GPC5: variants seen among roughly 807,000 people sequenced by gnomAD.
GPC5 encodes glypican-5.
In GPC5, 47 loss-of-function variants were observed where a neutral mutation model predicts 53.9. The observed-to-expected ratio is 0.87, with a 90% CI of 0.69 to 1.11. The LOEUF is 1.11. Among genes scored for constraint, GPC5 ranks in the 50% most tolerant of loss-of-function variants. GPC5 has a pLI of 0.00. For synonymous variants in GPC5, 286 were observed against 263.3 expected, an observed-to-expected ratio of 1.09 and a Z score of -0.84; for missense variants, 748 against 713.1, an observed-to-expected ratio of 1.05 and a Z score of -0.56.
At chr13:91,611,880 GGCC>G (rs2033561835) in intron 2 of GPC5, among the ~76,000 whole-genome samples, 1 of 152,040 alleles carries the variant, frequency 6.6e-6, no homozygotes, top group South Asian at 2.1e-4. Context: ...AACACTGCTG[GGCC>G]TCTGTGTTGT....
chr13:92,678,828 G>A (rs1338077892), intron 7 of GPC5, among the ~76,000 whole-genome samples: 2 of 152,112 alleles, frequency 1.3e-5, no homozygotes, highest in Non-Finnish European at 2.9e-5. Context: ...AATCACCTAG[G>A]AAAAAGATAG....
intron 7 of GPC5, among the ~76,000 whole-genome samples, chr13:92,324,656 T>C (rs1566539268): frequency 6.6e-6 from 1 of 151,284 alleles, no homozygotes; most frequent in Non-Finnish European, 1.5e-5. Context: ...TGGCATATCA[T>C]TGGTACAGCA....
chr13:91,636,786 C>T (rs1418180560), intron 2 of GPC5, among the ~76,000 whole-genome samples: 1 of 151,842 alleles, frequency 6.6e-6, no homozygotes, highest in African/African-American at 2.4e-5. Context: ...GAGACACTGT[C>T]CCTGCAAAAA....
At chr13:92,483,537 T>C (rs1879435290) in intron 7 of GPC5, among the ~76,000 whole-genome samples, 1 of 152,130 alleles carries the variant, frequency 6.6e-6, no homozygotes, top group Non-Finnish European at 1.5e-5. Flanking sequence ...GAGTGGTGAG[T>C]GAATGTGAAG....
intron 7 of GPC5, among the ~76,000 whole-genome samples, chr13:92,828,687 T>C (rs547970773): frequency 1.3e-5 from 2 of 152,192 alleles, no homozygotes; most frequent in South Asian, 4.1e-4. Flanking sequence ...TGAGCTCAAG[T>C]CCACTATGAG....
chr13:92,377,050 T>G (rs1426525745), intron 7 of GPC5, among the ~76,000 whole-genome samples: 2 of 151,982 alleles, frequency 1.3e-5, no homozygotes, highest in East Asian at 3.9e-4. Flanking sequence ...CTTCCCTGAC[T>G]GAAGTAAGAC....
chr13:92,598,034 G>C (rs1883933951), intron 7 of GPC5, among the ~76,000 whole-genome samples: 2 of 152,148 alleles, frequency 1.3e-5, no homozygotes, highest in South Asian at 2.1e-4. Flanking sequence ...ACTGAACCCT[G>C]AGTCAAGGTT....
At chr13:92,772,455 A>G (rs1310642188) in intron 7 of GPC5, among the ~76,000 whole-genome samples, 1 of 152,208 alleles carries the variant, frequency 6.6e-6, no homozygotes, top group Non-Finnish European at 1.5e-5. Flanking sequence ...GTACATGTAC[A>G]AAGCTCTTCT....
intron 7 of GPC5, among the ~76,000 whole-genome samples, chr13:92,809,491 A>G (rs931335947): frequency 9.2e-5 from 14 of 152,166 alleles, no homozygotes; most frequent in African/African-American, 3.4e-4. Context: ...GTCCAGGGTA[A>G]TAAGACTCAG....
chr13:91,419,442 T>G (rs1878454677), intron 1 of GPC5, among the ~76,000 whole-genome samples: 1 of 152,230 alleles, frequency 6.6e-6, no homozygotes, highest in Admixed American at 6.5e-5. Context: ...GCTGAAAATT[T>G]TGGCTCTGGG....
At chr13:92,252,176 G>A (rs1016014992) in intron 7 of GPC5, among the ~76,000 whole-genome samples, 14 of 152,162 alleles carry the variant, frequency 9.2e-5, no homozygotes, top group Admixed American at 5.9e-4. Flanking sequence ...TGACAGTATG[G>A]CATGTACTTT....
intron 2 of GPC5, among the ~76,000 whole-genome samples, chr13:91,634,600 G>A (rs1439301486): frequency 1.3e-5 from 2 of 151,956 alleles, no homozygotes; most frequent in Non-Finnish European, 2.9e-5. Flanking sequence ...ATGGTACCCT[G>A]TTTATACTTT....
At chr13:92,470,854 T>C (rs186537874) in intron 7 of GPC5, among the ~76,000 whole-genome samples, 72 of 152,258 alleles carry the variant, frequency 4.7e-4, no homozygotes, top group African/African-American at 1.6e-3. Flanking sequence ...CTAGATGTCA[T>C]TGGGTTGACA....
intron 7 of GPC5, among the ~76,000 whole-genome samples, chr13:92,629,361 A>G (rs1380939604): frequency 6.6e-6 from 1 of 152,158 alleles, no homozygotes; most frequent in Non-Finnish European, 1.5e-5. Context: ...CACATAGATG[A>G]AGGTATCAGG....
At chr13:92,021,245 T>C (rs2040755742) in intron 6 of GPC5, among the ~76,000 whole-genome samples, 1 of 152,112 alleles carries the variant, frequency 6.6e-6, no homozygotes, top group East Asian at 1.9e-4. Context: ...CATCAACAGA[T>C]GAACAGATAA....
chr13:92,169,285 T>A (rs575580614), intron 7 of GPC5, among the ~76,000 whole-genome samples: 1 of 152,224 alleles, frequency 6.6e-6, no homozygotes, highest in South Asian at 2.1e-4. Context: ...CCATGGCACA[T>A]GTTTACCTAT....
At chr13:92,426,231 G>T (rs1365542718) in intron 7 of GPC5, among the ~76,000 whole-genome samples, 2 of 151,996 alleles carry the variant, frequency 1.3e-5, no homozygotes, top group Admixed American at 1.3e-4. Flanking sequence ...TATGTGTATA[G>T]GTGGGACAGA....
At chr13:92,380,798 A>G (rs1303391730) in intron 7 of GPC5, among the ~76,000 whole-genome samples, 1 of 150,890 alleles carries the variant, frequency 6.6e-6, no homozygotes, top group Non-Finnish European at 1.5e-5. Context: ...TGAGAGATAT[A>G]CCTAATGCTA....
chr13:92,664,020 C>T (rs1453595892), intron 7 of GPC5, among the ~76,000 whole-genome samples: 2 of 150,446 alleles, frequency 1.3e-5, no homozygotes, highest in Admixed American at 6.7e-5. Flanking sequence ...TGCAGTGAGC[C>T]GAGATTGCGC....
Sources: gnomAD v4.1 joint callset for allele counts (sites outside exome capture counted in the v4.1 genomes callset) on GRCh38, gnomAD v4.1.1 for gene constraint, MANE v1.5 for transcripts, NCBI Gene and HGNC (gene_info 2026-07-23, HGNC 2026-07-21) for gene names.